RPS6KA1: variants seen among roughly 807,000 people sequenced by gnomAD.
RPS6KA1 encodes ribosomal protein S6 kinase alpha-1.
RPS6KA1 carries 48 observed loss-of-function variants against 91.3 expected under a neutral mutation model. The observed-to-expected ratio is 0.53, with a 90% CI of 0.42 to 0.67. RPS6KA1 has a LOEUF of 0.67. Among genes scored for constraint, RPS6KA1 ranks in the 30% least tolerant of loss-of-function variants. RPS6KA1 has a pLI of 0.00. For missense variants in RPS6KA1, 719 were observed against 960.5 expected (o/e 0.75, Z 3.32); for synonymous variants, 359 against 384.7 (o/e 0.93, Z 0.78).
intron 17 of RPS6KA1, among the ~76,000 whole-genome samples, chr1:26,570,778 T>G (rs2076242273): frequency 6.6e-6 from 1 of 152,174 alleles, no homozygotes; most frequent in Non-Finnish European, 1.5e-5. Flanking sequence ...TGTTAAGTAG[T>G]GGGAAGTGCT....
At chr1:26,553,527 C>T (rs1330471957) in intron 7 of RPS6KA1, 30 bp downstream of exon 7, 8 of 1,499,524 alleles carry the variant, frequency 5.3e-6, no homozygotes, top group Non-Finnish European at 7.4e-6. Flanking sequence ...CCACCCCAGC[C>T]TCCCCAGGGG....
At chr1:26,568,290 A>G (rs1239613236) in intron 17 of RPS6KA1, among the ~76,000 whole-genome samples, 1 of 152,110 alleles carries the variant, frequency 6.6e-6, no homozygotes, top group Non-Finnish European at 1.5e-5. Context: ...TCCTCCCCCA[A>G]CATACACTCC....
intron 6 of RPS6KA1, among the ~76,000 whole-genome samples, chr1:26,553,184 T>C (rs1323620290): frequency 6.6e-6 from 1 of 152,196 alleles, no homozygotes; most frequent in Non-Finnish European, 1.5e-5. Flanking sequence ...CCACCCCTTC[T>C]ATTTCTGAAT....
At chr1:26,563,457 G>A (rs1390257645) in intron 17 of RPS6KA1, among the ~76,000 whole-genome samples, 1 of 150,620 alleles carries the variant, frequency 6.6e-6, no homozygotes, top group Admixed American at 6.6e-5. Context: ...GAACTCTTGA[G>A]CTCAAGTGAT....
At chr1:26,548,066 T>C (rs2124630896) in intron 4 of RPS6KA1, among the ~76,000 whole-genome samples, 1 of 151,978 alleles carries the variant, frequency 6.6e-6, no homozygotes, top group African/African-American at 2.4e-5. Context: ...CAGAGCCAAA[T>C]CCTAGCTGGG....
rs2076280361 is a variant in RPS6KA1 at position 26,574,586 on chromosome 1, C to T, written c.*385C>T. The T allele has an allele frequency of 2.5e-6, 1 of 402,848 alleles. No individual in the cohort carries two copies. Among genetic ancestry groups the T allele is most frequent in the Non-Finnish European group, 4.9e-6 (1 of 203,592 alleles). 25.0% of individuals were successfully genotyped at this position (402,848 alleles called of 1,614,324 possible). ...TTTAGAGCAGCTTTGGGATCCCACC[C>T]TGGGGACCCCCACGATTGGCCACCT... On this transcript the variant is annotated 3_prime_UTR_variant, in exon 22 of 22. Transcript: ENST00000374168. The surrounding 1 kb of genome is among the most constrained non-coding windows in gnomAD (Gnocchi z 4.3).
Position 26,561,552 on chromosome 1 carries a change from G to C in RPS6KA1, c.1479G>C (p.Arg493=). ...KHVYLVTELM[R]GGELLDKILR... Reference sequence around the variant, plus strand: ...TGTACCTGGTGACAGAGCTGATGCGGGGTGGGGAGCTGCTGGACAAGATCC... The same window carrying C: ...TGTACCTGGTGACAGAGCTGATGCGCGGTGGGGAGCTGCTGGACAAGATCC... The change falls in exon 17 of 22, where the codon CGG becomes CGC. Residue 493 remains arginine (R), a synonymous_variant. Coordinates refer to ENST00000374168, the MANE Select transcript of RPS6KA1 (RefSeq NM_002953.4). The surrounding 1 kb of genome is among the most constrained non-coding windows in gnomAD (Gnocchi z 5.7). The C allele has an allele frequency of 1.2e-6, 2 of 1,614,184 alleles. No individual in the cohort carries two copies.
At position 26,546,022 on chromosome 1, in the gene RPS6KA1, C is replaced by T. The variant is rs549273436; in HGVS notation, c.109-845C>T. 2.5e-6 allele frequency: 4 copies of T among 1,611,700 alleles called. No individual in the cohort carries two copies. In the East Asian group the frequency reaches 6.7e-5, roughly 27 times the overall value. On this transcript the variant is annotated intron_variant, in intron 2 of 21. Coordinates refer to ENST00000374168, the MANE Select transcript of RPS6KA1 (RefSeq NM_002953.4). ...CCTGTCCCTGGCCCTGGCTCTGGCC[C>T]CCAGCGGGACTCGGTGAGTGTGCCC...
intron 17 of RPS6KA1, among the ~76,000 whole-genome samples, chr1:26,568,470 C>T (rs2076222786): frequency 1.3e-5 from 2 of 152,166 alleles, no homozygotes; most frequent in Non-Finnish European, 2.9e-5. Flanking sequence ...CAACTTGAGC[C>T]GGGCGTGGTG....
In RPS6KA1 at chr1:26,558,423, G is replaced by A. The variant is rs556409834; in HGVS notation, c.1085-384G>A. On this transcript the variant is annotated intron_variant, in intron 13 of 21. Transcript: ENST00000374168. The surrounding 1 kb of genome is among the most constrained non-coding windows in gnomAD (Gnocchi z 4.0). ...GCTGGACTTACTCCTGAAGGCAGAC[G>A]GGAACCTTTGAAAGGTGTGGGCAGG... Among the ~76,000 whole-genome samples the A allele has an allele frequency of 1.3e-5, 2 of 152,280 alleles. No homozygotes were observed. Among genetic ancestry groups the A allele is most frequent in the Admixed American group, 6.5e-5 (1 of 15,290 alleles).
At position 26,536,589 on chromosome 1, in the gene RPS6KA1, G is replaced by A. The variant is rs150091452; in HGVS notation, c.64-336G>A. Reference sequence around the variant, plus strand: ...TACAAGGTTTGTATCTGGTAGAGCTGGAAGCCACACATGACCCTTCCCTTC... The same window carrying A: ...TACAAGGTTTGTATCTGGTAGAGCTAGAAGCCACACATGACCCTTCCCTTC... On this transcript the variant is annotated intron_variant, in intron 1 of 21. Transcript: ENST00000374168. Among the ~76,000 whole-genome samples the A allele has an allele frequency of 3.3e-4, 51 of 152,324 alleles. No homozygotes were observed. In the South Asian group the frequency reaches 7.5e-3, roughly 22 times the overall value.
intron 1 of RPS6KA1, among the ~76,000 whole-genome samples, chr1:26,534,084 C>A (rs1449821843): frequency 6.6e-6 from 1 of 152,196 alleles, no homozygotes; most frequent in African/African-American, 2.4e-5. Context: ...GAAACCCACA[C>A]CTCTAGGTAC....
At chr1:26,530,321 T>A (rs1053044647) in intron 1 of RPS6KA1, among the ~76,000 whole-genome samples, 1 of 152,142 alleles carries the variant, frequency 6.6e-6, no homozygotes. Flanking sequence ...GGGGAGATCT[T>A]CAGTGCCAGA....
chr1:26,571,463 C>A lies in RPS6KA1; in HGVS notation c.1605C>A (p.Asp535Glu). Residue 535 changes from aspartate to glutamate, a missense_variant, in exon 18 of 22, where the codon GAC becomes GAA. Asp to Glu is a conservative substitution (Grantham distance 45). Coordinates refer to ENST00000374168, the MANE Select transcript of RPS6KA1 (RefSeq NM_002953.4). This position sits in a 1 kb window ranked among gnomAD's most constrained non-coding sequence, Gnocchi z 5.1. Reference sequence around the variant, plus strand: ...CCTGCCCCTAGGTTGTGCACAGGGACCTGAAGCCCAGCAACATCCTGTATG... The same window carrying A: ...CCTGCCCCTAGGTTGTGCACAGGGAACTGAAGCCCAGCAACATCCTGTATG... ...YLHSQGVVHR[D>E]LKPSNILYVD... is the part of the protein sequence containing the mutation. The A allele has an allele frequency of 6.2e-7, 1 of 1,614,178 alleles. No individual in the cohort carries two copies. The highest frequency in any genetic ancestry group is 8.5e-7 in the Non-Finnish European group (1 of 1,180,030).
In RPS6KA1 at chr1:26,547,580, G is replaced by A. The variant is rs1251136792; in HGVS notation, c.307+310G>A. ...GGCATTCTGACTGTTGATGCTAGAA[G>A]AGTCTGGGGGAGACCTCTGTGGCCC... On this transcript the variant is annotated intron_variant, in intron 4 of 21. Coordinates refer to ENST00000374168, the MANE Select transcript of RPS6KA1 (RefSeq NM_002953.4). This position sits in a 1 kb window ranked among gnomAD's most constrained non-coding sequence, Gnocchi z 4.1. 3.1e-6 allele frequency: 1 copy of A among 317,980 alleles called. No individual in the cohort carries two copies. The highest frequency in any genetic ancestry group is 6.2e-6 in the Non-Finnish European group (1 of 161,682). 19.7% of individuals were successfully genotyped at this position (317,980 alleles called of 1,614,324 possible).
intron 1 of RPS6KA1, chr1:26,530,896 G>C: frequency 7.9e-7 from 1 of 1,268,278 alleles, no homozygotes. Flanking sequence ...TGCTGGGAAG[G>C]AAGCAGGTGA....
Position 26,551,318 on chromosome 1 carries a change from A to C in RPS6KA1, c.308-79A>C. ...TCAGGCCTGGAGGAACAAGTGGAAA[A>C]GAGATCCCTTAGCGGGGGCTTGGGA... is the stretch of plus-strand genomic sequence containing the variant. On this transcript the variant is annotated intron_variant, in intron 4 of 21. Transcript: ENST00000374168. The surrounding 1 kb of genome is among the most constrained non-coding windows in gnomAD (Gnocchi z 4.5). The C allele has an allele frequency of 7.8e-7, 1 of 1,274,876 alleles. No homozygotes were observed. The highest frequency in any genetic ancestry group is 1.1e-6 in the Non-Finnish European group (1 of 877,998). The allele number at this position is 1,274,876 out of a possible 1,614,324, so 79.0% of individuals were successfully genotyped here.
chr1:26,572,781 G>A (rs1388752782), intron 20 of RPS6KA1, among the ~76,000 whole-genome samples: 1 of 152,178 alleles, frequency 6.6e-6, no homozygotes, highest in African/African-American at 2.4e-5. Context: ...AGACAGAGTT[G>A]AACCCTCTAT....
chr1:26,557,874 G>T (rs1428801557), intron 13 of RPS6KA1, among the ~76,000 whole-genome samples: 3 of 148,210 alleles, frequency 2.0e-5, no homozygotes. Context: ...TGTTGCCCAG[G>T]CTGGAATGCA....
Sources: gnomAD v4.1 joint callset for allele counts (sites outside exome capture counted in the v4.1 genomes callset) on GRCh38, gnomAD v4.1.1 for gene constraint, Gnocchi (gnomAD v3.1) non-coding constraint, MANE v1.5 for transcripts, NCBI Gene and HGNC (gene_info 2026-07-23, HGNC 2026-07-21) for gene names.